Variants in DIAPH3 observed in about 807,000 individuals in gnomAD.
The protein encoded by DIAPH3 is protein diaphanous homolog 3.
Under a neutral mutation model 144.3 loss-of-function variants are expected in DIAPH3, and 117 were observed. The ratio of observed to expected loss-of-function variants is 0.81; its 90% CI spans 0.70 to 0.95. The LOEUF is 0.95. Ranked by LOEUF, DIAPH3 falls within the 40% of genes least tolerant of loss-of-function variation. DIAPH3 has a pLI of 0.00. For synonymous variants in DIAPH3, 519 were observed against 488.9 expected, an observed-to-expected ratio of 1.06 and a Z score of -0.81; for missense variants, 1,421 against 1,412.7, an observed-to-expected ratio of 1.01 and a Z score of -0.09.
At chr13:59,867,434 C>T (rs1374502980) in intron 21 of DIAPH3, among the ~76,000 whole-genome samples, 1 of 151,752 alleles carries the variant, frequency 6.6e-6, no homozygotes, top group East Asian at 1.9e-4. Context: ...GATACTAAGG[C>T]ATATAAATAC....
intron 17 of DIAPH3, among the ~76,000 whole-genome samples, chr13:59,949,709 G>A (rs554988318): frequency 2.6e-4 from 39 of 152,254 alleles, no homozygotes; most frequent in Admixed American, 5.2e-4. Context: ...ATTCAGTCTT[G>A]TATAGAAAAA....
At chr13:59,942,345 A>T (rs2048577062) in intron 17 of DIAPH3, among the ~76,000 whole-genome samples, 1 of 152,054 alleles carries the variant, frequency 6.6e-6, no homozygotes, top group Non-Finnish European at 1.5e-5. Context: ...AAAACAAATG[A>T]CTCACAGATC....
At chr13:60,022,230 T>G (rs1184127076) in intron 5 of DIAPH3, among the ~76,000 whole-genome samples, 1 of 152,222 alleles carries the variant, frequency 6.6e-6, no homozygotes, top group Non-Finnish European at 1.5e-5. Flanking sequence ...CTGACCTGCA[T>G]GCCTTTATTT....
intron 22 of DIAPH3, chr13:59,861,206 T>C (rs1010359437): frequency 1.3e-5 from 19 of 1,467,164 alleles, no homozygotes; most frequent in African/African-American, 4.3e-5. Flanking sequence ...TAAGGCCTCA[T>C]CATCTAACTA....
chr13:59,790,171 C>T (rs1224978268), intron 25 of DIAPH3, among the ~76,000 whole-genome samples: 1 of 152,126 alleles, frequency 6.6e-6, no homozygotes, highest in African/African-American at 2.4e-5. Context: ...GAATGTTACA[C>T]AAAATAAATC....
chr13:59,933,196 T>A lies in DIAPH3; in HGVS notation c.2075-8326A>T, dbSNP rs1259807215. On this transcript the variant is annotated intron_variant, in intron 17 of 27. Transcript: ENST00000400324. ...TAGCATGCCTGGAGGAAGGGCAGGGTCCTCTGTCTGGGAACTCAGGCCTGG... is the reference window on the plus strand; with the variant it reads ...TAGCATGCCTGGAGGAAGGGCAGGGACCTCTGTCTGGGAACTCAGGCCTGG... Among the ~76,000 whole-genome samples, 3 of 152,194 alleles carry A rather than the reference T, an allele frequency of 2.0e-5. No individual in the cohort carries two copies. In the East Asian group the frequency reaches 5.8e-4, roughly 29 times the overall value.
intron 27 of DIAPH3, among the ~76,000 whole-genome samples, chr13:59,732,373 A>C (rs995955989): frequency 6.6e-6 from 1 of 151,538 alleles, no homozygotes; most frequent in African/African-American, 2.4e-5. Flanking sequence ...AAAACAATTA[A>C]ATATGCTTAA....
chr13:59,791,245 C>T (rs185565281), intron 25 of DIAPH3, among the ~76,000 whole-genome samples: 35 of 152,198 alleles, frequency 2.3e-4, no homozygotes, highest in Middle Eastern at 6.8e-3. Context: ...GTTGGGATTA[C>T]GGGTGTGAGC....
At chr13:60,152,388 T>C (rs1566829606) in intron 1 of DIAPH3, among the ~76,000 whole-genome samples, 1 of 151,950 alleles carries the variant, frequency 6.6e-6, no homozygotes, top group Non-Finnish European at 1.5e-5. Flanking sequence ...AGTCTCCCCC[T>C]TCCTTTCCAG....
intron 12 of DIAPH3, among the ~76,000 whole-genome samples, chr13:59,984,579 A>G (rs962153199): frequency 2.0e-5 from 3 of 151,684 alleles, no homozygotes; most frequent in Admixed American, 6.6e-5. Flanking sequence ...CGCTAGCAAG[A>G]CTAATAAAGA....
chr13:59,899,218 T>C (rs1022104901), intron 20 of DIAPH3, among the ~76,000 whole-genome samples: 25 of 152,148 alleles, frequency 1.6e-4, no homozygotes, highest in Non-Finnish European at 3.4e-4. Context: ...AGATAGCCTA[T>C]TGTGGGACCT....
At position 60,104,555 on chromosome 13, in the gene DIAPH3, G is replaced by A. The variant is rs541698447; in HGVS notation, c.390+7455C>T. 1.1e-3 allele frequency among the ~76,000 whole-genome samples: 137 copies of A among 125,264 alleles called. 1 individual carries two copies. The Admixed American group carries it at 0.012, about 11-fold the overall frequency. 82.2% of individuals were successfully genotyped at this position (125,264 alleles called of 152,430 possible). A position where few individuals can be genotyped will look rare whatever the true frequency, so the allele number is the denominator to read the frequency against. On this transcript the variant is annotated intron_variant, in intron 3 of 27. Transcript: ENST00000400324. ...AAAACAAATTTCAGTTTATCCTAATGCAGTATCAAGGCACACACACACACA... is the reference window on the plus strand; with the variant it reads ...AAAACAAATTTCAGTTTATCCTAATACAGTATCAAGGCACACACACACACA...
At chr13:59,882,130 C>A (rs969344080) in intron 20 of DIAPH3, among the ~76,000 whole-genome samples, 1 of 152,070 alleles carries the variant, frequency 6.6e-6, no homozygotes, top group Non-Finnish European at 1.5e-5. Context: ...ACTCTGTCAC[C>A]CAGGCTGGAG....
chr13:59,790,887 A>G (rs1241512229), intron 25 of DIAPH3, among the ~76,000 whole-genome samples: 1 of 152,196 alleles, frequency 6.6e-6, no homozygotes, highest in Non-Finnish European at 1.5e-5. Flanking sequence ...CCACAACTAT[A>G]AAAAGCTGAC....
At chr13:59,850,070 C>T (rs889432358) in intron 22 of DIAPH3, among the ~76,000 whole-genome samples, 5 of 147,952 alleles carry the variant, frequency 3.4e-5, no homozygotes, top group East Asian at 2.0e-4. Flanking sequence ...ATTTTATTCT[C>T]TTTGAAGCAA....
At chr13:60,038,608 C>T (rs1361615277) in intron 5 of DIAPH3, among the ~76,000 whole-genome samples, 1 of 152,092 alleles carries the variant, frequency 6.6e-6, no homozygotes, top group Non-Finnish European at 1.5e-5. Context: ...ATGATTTTCT[C>T]AAAATTATAG....
chr13:59,993,588 T>C (rs2051978467), intron 9 of DIAPH3, among the ~76,000 whole-genome samples: 1 of 150,982 alleles, frequency 6.6e-6, no homozygotes, highest in Non-Finnish European at 1.5e-5. Context: ...AATTGTTATA[T>C]TTGATATCTA....
intron 3 of DIAPH3, among the ~76,000 whole-genome samples, chr13:60,097,150 TATG>T (rs952575934): frequency 1.3e-5 from 2 of 152,160 alleles, no homozygotes; most frequent in African/African-American, 2.4e-5. Context: ...CTGACAAAAG[TATG>T]ATGACAGTCC....
At chr13:59,786,316 T>A (rs1271926368) in intron 25 of DIAPH3, among the ~76,000 whole-genome samples, 1 of 152,184 alleles carries the variant, frequency 6.6e-6, no homozygotes, top group African/African-American at 2.4e-5. Flanking sequence ...AAAGGATTAT[T>A]ATTCTACAAA....
Sources: gnomAD v4.1 joint callset for allele counts (sites outside exome capture counted in the v4.1 genomes callset) on GRCh38, gnomAD v4.1.1 for gene constraint, MANE v1.5 for transcripts, NCBI Gene and HGNC (gene_info 2026-07-23, HGNC 2026-07-21) for gene names.